The following PKIB variants were observed in gnomAD, a reference collection of about 807,000 sequenced individuals.
The protein encoded by PKIB is PKI-beta.
Under a neutral mutation model 4.5 loss-of-function variants are expected in PKIB, and 2 were observed. That is an observed-to-expected ratio of 0.44 (90% CI 0.18 to 1.39). The LOEUF is 1.39. Ranked by LOEUF, PKIB falls within the 40% of genes most tolerant of loss-of-function variation. The pLI, the probability that PKIB is intolerant of heterozygous loss-of-function variation, is 0.27. For missense variants in PKIB, 94 were observed against 92.6 expected, an observed-to-expected ratio of 1.02 and a Z score of -0.06; for synonymous variants, 38 against 36.0, an observed-to-expected ratio of 1.06 and a Z score of -0.20.
At chr6:122,492,403 G>A (rs952860761) in intron 2 of PKIB, among the ~76,000 whole-genome samples, 1 of 152,026 alleles carries the variant, frequency 6.6e-6, no homozygotes, top group African/African-American at 2.4e-5. Context: ...TGGTTACTTC[G>A]GGCTCTTTAT....
At chr6:122,638,721 C>G (rs985730004) in intron 2 of PKIB, among the ~76,000 whole-genome samples, 1 of 152,230 alleles carries the variant, frequency 6.6e-6, no homozygotes, top group Admixed American at 6.5e-5. Context: ...CTTACTTACA[C>G]AAGGACTGGG....
At chr6:122,501,127 C>G (rs155462) in intron 2 of PKIB, among the ~76,000 whole-genome samples, 98,057 of 151,982 alleles carry the variant, frequency 0.65, 32,093 homozygotes, top group South Asian at 0.83. Context: ...TCTCACATTC[C>G]AGAACACAAT....
chr6:122,697,979 C>A (rs564042323), intron 3 of PKIB, among the ~76,000 whole-genome samples: 2 of 152,124 alleles, frequency 1.3e-5, no homozygotes, highest in African/African-American at 4.8e-5. Flanking sequence ...AAGTGAGACC[C>A]TTAGGCAATG....
Position 122,723,910 on chromosome 6 carries a change from C to A in PKIB, c.170-1218C>A, listed in dbSNP as rs559541651. ...CATTTCATTTATTTTGTTTATTGTC[C>A]ATATTTCTCATCAGATTTTCCTTGA... On this transcript the variant is annotated intron_variant, in intron 4 of 4. Transcript: ENST00000368452. Among the ~76,000 whole-genome samples the A allele has an allele frequency of 3.3e-5, 5 of 152,132 alleles. No homozygotes were observed. In the South Asian group the frequency reaches 1.0e-3, roughly 32 times the overall value.
intron 3 of PKIB, among the ~76,000 whole-genome samples, chr6:122,680,469 C>T (rs1016956567): frequency 1.3e-5 from 2 of 152,004 alleles, no homozygotes; most frequent in Non-Finnish European, 2.9e-5. Context: ...TTCTTTATGG[C>T]CAGTTTTTAG....
intron 1 of PKIB, among the ~76,000 whole-genome samples, chr6:122,476,696 G>A (rs765939235): frequency 5.3e-5 from 8 of 152,130 alleles, no homozygotes; most frequent in Non-Finnish European, 1.0e-4. Context: ...TCAAATATGT[G>A]TCTAATATTT....
intron 2 of PKIB, among the ~76,000 whole-genome samples, chr6:122,506,694 A>ATTT (rs35341464): frequency 2.8e-4 from 33 of 116,554 alleles, no homozygotes; most frequent in East Asian, 1.4e-3. Flanking sequence ...TGGAGATGTA[A>ATTT]TTTTTTTTTT....
chr6:122,722,278 C>T (rs1467121274), intron 4 of PKIB, among the ~76,000 whole-genome samples: 1 of 152,064 alleles, frequency 6.6e-6, no homozygotes, highest in East Asian at 1.9e-4. Flanking sequence ...TATTTCTAAA[C>T]ACTTTCACAT....
At chr6:122,574,590 A>G (rs1773473023) in intron 2 of PKIB, among the ~76,000 whole-genome samples, 1 of 152,180 alleles carries the variant, frequency 6.6e-6, no homozygotes, top group Non-Finnish European at 1.5e-5. Flanking sequence ...TGCATAGAGA[A>G]CCCAGAAGTA....
At chr6:122,576,689 A>AAAAAAAAAT (rs1345822382) in intron 2 of PKIB, among the ~76,000 whole-genome samples, 8 of 34,314 alleles carry the variant, frequency 2.3e-4, no homozygotes, top group African/African-American at 5.3e-4. Context: ...AAAAAAAAAA[A>AAAAAAAAAT]ATATATATAT....
At chr6:122,537,414 G>GT (rs998383855) in intron 2 of PKIB, among the ~76,000 whole-genome samples, 2 of 152,048 alleles carry the variant, frequency 1.3e-5, no homozygotes, top group East Asian at 1.9e-4. Flanking sequence ...AGAACATGCG[G>GT]TTTTTTGTGA....
At chr6:122,579,479 T>TA (rs1773643962) in intron 2 of PKIB, among the ~76,000 whole-genome samples, 1 of 152,214 alleles carries the variant, frequency 6.6e-6, no homozygotes, top group Non-Finnish European at 1.5e-5. Context: ...TACAAGAACA[T>TA]ATAATTTTAA....
intron 2 of PKIB, among the ~76,000 whole-genome samples, chr6:122,535,247 A>C (rs1249703684): frequency 3.3e-5 from 5 of 152,162 alleles, no homozygotes; most frequent in Non-Finnish European, 1.5e-5. Context: ...TCAGAAGAAT[A>C]ATTTTTCAAG....
chr6:122,682,299 T>C (rs1777925798), intron 3 of PKIB, among the ~76,000 whole-genome samples: 1 of 152,140 alleles, frequency 6.6e-6, no homozygotes, highest in South Asian at 2.1e-4. Context: ...TATGATACAA[T>C]TGAATGTTTG....
intron 2 of PKIB, chr6:122,652,867 C>G (rs761973729): frequency 1.3e-5 from 2 of 152,334 alleles, no homozygotes; most frequent in Non-Finnish European, 2.9e-5. Flanking sequence ...CCCCGGTTCC[C>G]CATCCCCCAC....
chr6:122,482,217 C>T (rs552467495), intron 2 of PKIB: 6 of 152,364 alleles, frequency 3.9e-5, no homozygotes, highest in African/African-American at 1.2e-4. Context: ...GCCTCGGCCT[C>T]CCAAAGTGCT....
intron 3 of PKIB, chr6:122,701,419 G>T: frequency 6.4e-7 from 1 of 1,556,042 alleles, no homozygotes; most frequent in Non-Finnish European, 8.7e-7. Context: ...TTAAGGCACT[G>T]TTTTCTCATT....
intron 2 of PKIB, among the ~76,000 whole-genome samples, chr6:122,647,097 TA>T (rs767186162): frequency 2.6e-5 from 4 of 151,840 alleles, no homozygotes; most frequent in Non-Finnish European, 5.9e-5. Context: ...TTAAGAAACT[TA>T]TTGTGAGGAA....
chr6:122,494,522 G>A (rs905408287), intron 2 of PKIB, among the ~76,000 whole-genome samples: 4 of 152,162 alleles, frequency 2.6e-5, no homozygotes, highest in African/African-American at 9.7e-5. Context: ...ACCCCCTTGG[G>A]AAATACTGGA....
Sources: gnomAD v4.1 joint callset for allele counts (sites outside exome capture counted in the v4.1 genomes callset) on GRCh38, gnomAD v4.1.1 for gene constraint, MANE v1.5 for transcripts, NCBI Gene and HGNC (gene_info 2026-07-23, HGNC 2026-07-21) for gene names.